Variants in GPR20 observed in about 807,000 individuals in gnomAD.
GPR20 encodes CTD-3064M3.3.
For synonymous variants in GPR20, 241 were observed against 241.9 expected, an observed-to-expected ratio of 1.00 and a Z score of 0.04; for missense variants, 494 against 527.4, an observed-to-expected ratio of 0.94 and a Z score of 0.62.
chr8:141,361,919 G>A (rs1397084078), intron 1 of GPR20, among the ~76,000 whole-genome samples: 1 of 152,178 alleles, frequency 6.6e-6, no homozygotes, highest in Non-Finnish European at 1.5e-5. Context: ...TCAAGGCTTC[G>A]CTGAGCTCCT....
rs1831651436 is a variant in GPR20, at chr8:141,357,021, G to C, written c.903C>G (p.Thr301=). 1.2e-6 allele frequency: 2 copies of C among 1,613,130 alleles called. No homozygotes were observed. The highest frequency in any genetic ancestry group is 1.7e-6 in the Non-Finnish European group (2 of 1,179,854). Residue 301 remains threonine, a synonymous_variant, in exon 2 of 2, where the codon ACC becomes ACG. Coordinates refer to ENST00000377741, the MANE Select transcript of GPR20 (RefSeq NM_005293.3). ...CMDPIVYCFV[T]SGFQATVRGL... is the part of the protein sequence containing the mutation. The stretch of plus-strand genomic sequence containing the variant: ...CTCGGACGGTGGCCTGGAAGCCACT[G>C]GTGACGAAGCAGTAGACGATGGGGT...
chr8:141,362,403 TG>T (rs1831747981), intron 1 of GPR20, among the ~76,000 whole-genome samples: 1 of 152,104 alleles, frequency 6.6e-6, no homozygotes, highest in Admixed American at 6.6e-5. Flanking sequence ...GGGCTGTGGG[TG>T]GGGGCTGAGC....
At chr8:141,360,709 G>T (rs541330816) in intron 1 of GPR20, among the ~76,000 whole-genome samples, 1 of 152,362 alleles carries the variant, frequency 6.6e-6, no homozygotes, top group South Asian at 2.1e-4. Context: ...GGGACAGCCT[G>T]GCTCTGCCTG....
intron 1 of GPR20, among the ~76,000 whole-genome samples, chr8:141,358,725 G>A (rs1161090615): frequency 6.6e-6 from 1 of 152,242 alleles, no homozygotes; most frequent in Non-Finnish European, 1.5e-5. Context: ...TGGGAGCCAA[G>A]GACCAGTCTC....
intron 1 of GPR20, among the ~76,000 whole-genome samples, chr8:141,361,084 C>T (rs998189285): frequency 1.3e-5 from 2 of 152,236 alleles, no homozygotes; most frequent in Admixed American, 6.5e-5. Context: ...GACTCCATGG[C>T]GGGGGCCAAC....
At chr8:141,359,383 T>C (rs1831700229) in intron 1 of GPR20, among the ~76,000 whole-genome samples, 1 of 152,190 alleles carries the variant, frequency 6.6e-6, no homozygotes, top group African/African-American at 2.4e-5. Flanking sequence ...ACCTTCTTCC[T>C]CAGAGTCAGA....
chr8:141,360,542 C>T (rs1359201769), intron 1 of GPR20, among the ~76,000 whole-genome samples: 1 of 152,156 alleles, frequency 6.6e-6, no homozygotes, highest in East Asian at 1.9e-4. Context: ...ACGGATGTCC[C>T]GATTCGATTA....
rs757960541 is a variant in GPR20, at chr8:141,357,664, G to C, written c.260C>G (p.Pro87Arg). 1 of 1,613,820 alleles carries C rather than the reference G, an allele frequency of 6.2e-7. No homozygotes were observed. Among genetic ancestry groups the C allele is most frequent in the African/African-American group, 1.3e-5 (1 of 74,934 alleles). The change falls in exon 2 of 2, where the codon CCC becomes CGC. Residue 87 changes from proline (P) to arginine (R), a missense_variant. Coordinates refer to ENST00000377741, the MANE Select transcript of GPR20 (RefSeq NM_005293.3). ...CAGGTTGATGGTGTAGATGACTGAG[G>C]GTGTCTTGGCCCGGGTGCGGCAGCA... ...VFCCRTRAKT[P>R]SVIYTINLVV... is the part of the protein sequence containing the mutation.
In GPR20 at chr8:141,357,271, C is replaced by T. The variant is rs373939324; in HGVS notation, c.653G>A (p.Arg218His). ...PLLVISVFTG[R>H]IMCALSRPGL... The stretch of plus-strand genomic sequence containing the variant: ...CGGCCGCGACAGTGCACACATGATG[C>T]GGCCGGTAAACACGCTGATGACCAG... Residue 218 changes from arginine (R) to histidine (H), a missense_variant, in exon 2 of 2, where the codon CGC (arginine) becomes CAC (histidine). Transcript: ENST00000377741. The T allele has an allele frequency of 3.4e-5, 52 of 1,542,822 alleles. No homozygotes were observed. The highest frequency in any genetic ancestry group is 4.3e-5 in the Non-Finnish European group (49 of 1,148,660).
Position 141,357,562 on chromosome 8 carries a change from C to T in GPR20, c.362G>A (p.Arg121His), listed in dbSNP as rs751807193. The T allele has an allele frequency of 2.0e-5, 33 of 1,613,704 alleles. No homozygotes were observed. The highest frequency in any genetic ancestry group is 1.1e-4 in the South Asian group (10 of 91,092). ...ACCGAGGACGTGCGGGAAGGCACAG[C>T]GCAGGCAGCCCCTGGCGCCGTAGTA... ...AVYYGARGCL[R>H]CAFPHVLGYF... The change falls in exon 2 of 2, where the codon CGC (arginine) becomes CAC (histidine). Residue 121 changes from arginine (R) to histidine (H), a missense_variant. Physicochemically the swap from Arg to His is conservative, Grantham distance 29 (BLOSUM62 0). Coordinates refer to ENST00000377741, the MANE Select transcript of GPR20 (RefSeq NM_005293.3).
intron 1 of GPR20, among the ~76,000 whole-genome samples, chr8:141,363,180 C>G (rs7014181): frequency 0.011 from 1,663 of 152,346 alleles, 18 homozygotes; most frequent in African/African-American, 0.03. Context: ...ACTTTGGGAA[C>G]CATATTTGTT....
chr8:141,366,983 C>G (rs1831822571), intron 1 of GPR20, among the ~76,000 whole-genome samples: 1 of 152,230 alleles, frequency 6.6e-6, no homozygotes, highest in African/African-American at 2.4e-5. Context: ...CCCATGTTCT[C>G]CCTCAGGTCT....
intron 1 of GPR20, among the ~76,000 whole-genome samples, chr8:141,358,789 C>T (rs1831690893): frequency 2.6e-5 from 4 of 152,234 alleles, no homozygotes; most frequent in Admixed American, 2.6e-4. Flanking sequence ...CCTATGATCC[C>T]CCCAAACTAC....
intron 1 of GPR20, 74 bp from the exon 2 acceptor site, chr8:141,358,021 C>T: frequency 2.8e-6 from 2 of 720,732 alleles, no homozygotes; most frequent in Non-Finnish European, 4.5e-6. Context: ...CAGAACTCAG[C>T]TGGCCCGTCT....
In GPR20 at chr8:141,356,827, C is replaced by A. The variant is rs1169830534; in HGVS notation, c.*20G>T. The stretch of plus-strand genomic sequence containing the variant: ...GCCCAGATGAGTCCTGACCTTCGGC[C>A]CCTGGCAGAGCCCTGCTGACTAAGC... On this transcript the variant is annotated 3_prime_UTR_variant, in exon 2 of 2. Coordinates refer to ENST00000377741, the MANE Select transcript of GPR20 (RefSeq NM_005293.3). 6.5e-7 allele frequency: 1 copy of A among 1,543,754 alleles called. No homozygotes were observed. Among genetic ancestry groups the A allele is most frequent in the Non-Finnish European group, 8.8e-7 (1 of 1,134,998 alleles).
At chr8:141,360,290 T>C (rs900844164) in intron 1 of GPR20, among the ~76,000 whole-genome samples, 2 of 152,210 alleles carry the variant, frequency 1.3e-5, no homozygotes, top group African/African-American at 4.8e-5. Context: ...CACTGAGCCA[T>C]GATCCCAGTA....
chr8:141,366,864 A>G (rs1831820947), intron 1 of GPR20, among the ~76,000 whole-genome samples: 1 of 152,314 alleles, frequency 6.6e-6, no homozygotes, highest in East Asian at 1.9e-4. Context: ...CACCCAGCAG[A>G]TGCTCGGTGA....
At position 141,356,721 on chromosome 8, in the gene GPR20, C is replaced by T. The variant is rs922697343; in HGVS notation, c.*126G>A. Reference sequence around the variant, plus strand: ...GCACAGTGGCCTTAGACGCTCAATGCGGTGCTCTGGGTAGCCATCACCAAT... The same window carrying T: ...GCACAGTGGCCTTAGACGCTCAATGTGGTGCTCTGGGTAGCCATCACCAAT... On this transcript the variant is annotated 3_prime_UTR_variant, in exon 2 of 2. Transcript: ENST00000377741. 20 of 647,590 alleles carry T rather than the reference C, an allele frequency of 3.1e-5. No homozygotes were observed. Among genetic ancestry groups the T allele is most frequent in the African/African-American group, 5.5e-5 (3 of 54,922 alleles). 40.1% of individuals were successfully genotyped at this position (647,590 alleles called of 1,614,324 possible).
In GPR20 at chr8:141,357,394, G is replaced by T; in HGVS notation, c.530C>A (p.Ala177Asp). The change falls in exon 2 of 2, where the codon GCC becomes GAC. Residue 177 changes from alanine (A) to aspartate (D), a missense_variant. By Grantham distance (126) the Ala-to-Asp change is moderately radical (BLOSUM62 -2). Coordinates refer to ENST00000377741, the MANE Select transcript of GPR20 (RefSeq NM_005293.3). ...ARAVCAFVWL[A>D]AGAVTLSVLG... ...CACCGACAGGGTGACGGCACCGGCGGCCAGCCACACGAAGGCGCACACGGC... is the reference window on the plus strand; with the variant it reads ...CACCGACAGGGTGACGGCACCGGCGTCCAGCCACACGAAGGCGCACACGGC... 6.3e-7 allele frequency: 1 copy of T among 1,588,768 alleles called. No homozygotes were observed. The highest frequency in any genetic ancestry group is 1.3e-5 in the African/African-American group (1 of 74,612).
Sources: gnomAD v4.1 joint callset for allele counts (sites outside exome capture counted in the v4.1 genomes callset) on GRCh38, gnomAD v4.1.1 for gene constraint, MANE v1.5 for transcripts, NCBI Gene and HGNC (gene_info 2026-07-23, HGNC 2026-07-21) for gene names.